The following EXOC4 variants were observed in gnomAD, a reference collection of about 807,000 sequenced individuals.
The protein encoded by EXOC4 is exocyst complex component 4.
In EXOC4, 71 loss-of-function variants were observed where a neutral mutation model predicts 107.2. The observed-to-expected ratio is 0.66, with a 90% CI of 0.55 to 0.81. EXOC4 has a LOEUF of 0.81. Among genes scored for constraint, EXOC4 ranks in the 30% least tolerant of loss-of-function variants. The pLI, the probability that EXOC4 is intolerant of heterozygous loss-of-function variation, is 0.00. For synonymous variants in EXOC4, 456 were observed against 441.2 expected, an observed-to-expected ratio of 1.03 and a Z score of -0.42; for missense variants, 1,108 against 1,189.6, an observed-to-expected ratio of 0.93 and a Z score of 1.01.
In EXOC4 at chr7:133,741,837, C is replaced by T. The variant is rs114226871; in HGVS notation, c.1515-75488C>T. On this transcript the variant is annotated intron_variant, in intron 10 of 17. Transcript: ENST00000253861. ...TACTGTTGTATAGATTGTAGTATGA[C>T]TTTGTTTCTCAGTACCTTCCAGTGA... Among the ~76,000 whole-genome samples, 879 of 152,182 alleles carry T rather than the reference C, an allele frequency of 5.8e-3. 9 individuals carry two copies. The highest frequency in any genetic ancestry group is 0.02 in the African/African-American group (839 of 41,536).
At chr7:133,740,106 A>G (rs1795533919) in intron 10 of EXOC4, among the ~76,000 whole-genome samples, 3 of 152,120 alleles carry the variant, frequency 2.0e-5, no homozygotes, top group Non-Finnish European at 4.4e-5. Context: ...GTTTGATTCG[A>G]TGAGTTAACT....
At chr7:133,831,185 G>A (rs368698504) in intron 11 of EXOC4, among the ~76,000 whole-genome samples, 10 of 152,158 alleles carry the variant, frequency 6.6e-5, no homozygotes, top group East Asian at 3.9e-4. Flanking sequence ...GGCTGGTCTC[G>A]AACCCCTGAC....
chr7:133,617,790 G>A lies in EXOC4; in HGVS notation c.1418-12255G>A, dbSNP rs1802229746. On this transcript the variant is annotated intron_variant, in intron 9 of 17. Transcript: ENST00000253861. ...TAAAGAATTCTTAACTAGATATCTT[G>A]TCAAAATATACATCCTCTGGGTAGT... Among the ~76,000 whole-genome samples, 3 of 152,196 alleles carry A rather than the reference G, an allele frequency of 2.0e-5. No homozygotes were observed. The South Asian group carries it at 6.2e-4, about 32-fold the overall frequency.
intron 10 of EXOC4, among the ~76,000 whole-genome samples, chr7:133,713,745 C>T (rs754249539): frequency 6.6e-5 from 10 of 152,044 alleles, no homozygotes; most frequent in Non-Finnish European, 1.3e-4. Context: ...GGGGCTCTTT[C>T]CCCATCGCTT....
At chr7:133,839,303 T>A (rs1216678829) in intron 11 of EXOC4, among the ~76,000 whole-genome samples, 1 of 152,174 alleles carries the variant, frequency 6.6e-6, no homozygotes, top group Non-Finnish European at 1.5e-5. Context: ...CCTTGCCATA[T>A]CATTTGGCTC....
At chr7:134,077,318 G>A in the EXOC4 span, among the ~76,000 whole-genome samples, 1 of 152,164 alleles carries the variant, frequency 6.6e-6, no homozygotes, top group Non-Finnish European at 1.5e-5. Context: ...TATTCTATCA[G>A]GGCCTTCAAC....
chr7:134,042,536 G>T (rs1795544580), intron 17 of EXOC4, among the ~76,000 whole-genome samples: 1 of 152,058 alleles, frequency 6.6e-6, no homozygotes, highest in African/African-American at 2.4e-5. Flanking sequence ...CTACGACTGG[G>T]CACACTGTCG....
chr7:133,748,088 G>C (rs1283358818), intron 10 of EXOC4, among the ~76,000 whole-genome samples: 1 of 152,112 alleles, frequency 6.6e-6, no homozygotes, highest in African/African-American at 2.4e-5. Context: ...CTTTGTGCTA[G>C]ACCAGCCCTA....
intron 9 of EXOC4, among the ~76,000 whole-genome samples, chr7:133,492,643 C>T (rs1271585157): frequency 6.6e-6 from 1 of 151,980 alleles, no homozygotes; most frequent in Non-Finnish European, 1.5e-5. Context: ...ATTGCAAATA[C>T]TACTTTCTTT....
chr7:133,819,709 A>G (rs1797464066), intron 11 of EXOC4, among the ~76,000 whole-genome samples: 1 of 152,190 alleles, frequency 6.6e-6, no homozygotes, highest in African/African-American at 2.4e-5. Context: ...GCTATATGCC[A>G]TACAGAGCAA....
At chr7:133,312,066 TACAAAAAC>T (rs750714211) in intron 4 of EXOC4, among the ~76,000 whole-genome samples, 5 of 152,296 alleles carry the variant, frequency 3.3e-5, no homozygotes, top group Admixed American at 6.5e-5. Flanking sequence ...GTCTACATCC[TACAAAAAC>T]AGTACCAGTT....
chr7:133,770,144 A>G (rs1232569038), intron 10 of EXOC4, among the ~76,000 whole-genome samples: 1 of 151,956 alleles, frequency 6.6e-6, no homozygotes, highest in Non-Finnish European at 1.5e-5. Context: ...TATAATCATA[A>G]TATTAGTTAA....
intron 9 of EXOC4, among the ~76,000 whole-genome samples, chr7:133,610,814 C>CTT (rs67695705): frequency 7.2e-5 from 10 of 139,816 alleles, no homozygotes; most frequent in African/African-American, 1.8e-4. Flanking sequence ...TTCTTTTTTA[C>CTT]TTTTTTTTTT....
chr7:133,721,621 T>C (rs1443314004), intron 10 of EXOC4, among the ~76,000 whole-genome samples: 1 of 152,188 alleles, frequency 6.6e-6, no homozygotes, highest in Admixed American at 6.5e-5. Flanking sequence ...ACCAGTTCTT[T>C]TTCATGACTT....
chr7:133,586,906 C>T (rs1188386408), intron 9 of EXOC4, among the ~76,000 whole-genome samples: 1 of 152,160 alleles, frequency 6.6e-6, no homozygotes, highest in Non-Finnish European at 1.5e-5. Context: ...TCTCGGCTCA[C>T]TGCAACCTCT....
At chr7:133,274,944 A>G (rs768071809) in intron 1 of EXOC4, 38 bp from the exon 2 acceptor site, 1 of 1,427,602 alleles carries the variant, frequency 7.0e-7, no homozygotes, top group Non-Finnish European at 9.3e-7. Flanking sequence ...TTTACTTTCA[A>G]GTTTTACTTA....
chr7:133,871,013 G>T (rs952685337), intron 11 of EXOC4, among the ~76,000 whole-genome samples: 15 of 152,174 alleles, frequency 9.9e-5, no homozygotes, highest in African/African-American at 3.6e-4. Context: ...CAAATTTTCT[G>T]AAATTTTGTG....
At chr7:133,792,329 G>C (rs551057601) in intron 10 of EXOC4, among the ~76,000 whole-genome samples, 15 of 152,054 alleles carry the variant, frequency 9.9e-5, no homozygotes, top group Non-Finnish European at 1.3e-4. Flanking sequence ...AAGGTGAGAG[G>C]ATCACTTGAG....
At chr7:133,287,535 G>T (rs886381774) in intron 2 of EXOC4, among the ~76,000 whole-genome samples, 1 of 151,986 alleles carries the variant, frequency 6.6e-6, no homozygotes, top group African/African-American at 2.4e-5. Flanking sequence ...GGATGGTCTC[G>T]ATCTCCTGAC....
Sources: allele counts gnomAD v4.1 joint callset (sites outside exome capture counted in the v4.1 genomes callset), GRCh38; gene constraint gnomAD v4.1.1; transcripts MANE v1.5; gene names NCBI Gene and HGNC (gene_info 2026-07-23, HGNC 2026-07-21).